Variants in VPS13B observed in about 807,000 individuals in gnomAD.
VPS13B encodes the protein vacuolar protein sorting 13 homolog B.
A neutral mutation model predicts 426.4 loss-of-function variants in VPS13B; 285 were observed. That is an observed-to-expected ratio of 0.67 (90% CI 0.61 to 0.74). The LOEUF (loss-of-function observed/expected upper bound fraction) is 0.74, where lower values mean the gene tolerates loss of function less well. Ranked by LOEUF, VPS13B falls within the 30% of genes least tolerant of loss-of-function variation. The pLI is 0.00. For synonymous variants in VPS13B, 1,676 were observed against 1,676.4 expected (o/e 1.00, Z 0.01); for missense variants, 4,537 against 4,782.6 (o/e 0.95, Z 1.51).
chr8:99,846,423 T>C (rs1275945411), intron 54 of VPS13B, among the ~76,000 whole-genome samples: 1 of 152,244 alleles, frequency 6.6e-6, no homozygotes, highest in Non-Finnish European at 1.5e-5. Context: ...TGTCAAGTAA[T>C]TGATTGTTCA....
In VPS13B at chr8:99,354,266, CTTTTTTTTTTTTTTTTTTTT is replaced by C. The variant is rs71273176; in HGVS notation, c.2825-29922_2825-29903del. Among the ~76,000 whole-genome samples the C allele has an allele frequency of 2.8e-3, 63 of 22,194 alleles. 1 individual carries two copies. Among genetic ancestry groups the C allele is most frequent in the Middle Eastern group, 0.033 (1 of 30 alleles). The allele number at this position is 22,194 out of a possible 152,430, so 14.6% of individuals were successfully genotyped here. A position where few individuals can be genotyped will look rare whatever the true frequency, so the allele number is the denominator to read the frequency against. On this transcript the variant is annotated intron_variant, in intron 19 of 61. Transcript: ENST00000357162. ...TTCTACTGTAGCCCCCTCCCCCTGC[CTTTTTTTTTTTTTTTTTTTT>C]TTTTTTTTTTTTTTTTTTTGGTATT...
At chr8:99,774,541 C>T (rs1361874878) in intron 40 of VPS13B, among the ~76,000 whole-genome samples, 1 of 152,144 alleles carries the variant, frequency 6.6e-6, no homozygotes, top group Non-Finnish European at 1.5e-5. Flanking sequence ...TGGAAAATAT[C>T]AGAGTGTCAA....
chr8:99,523,456 A>G (rs780358988), intron 30 of VPS13B, among the ~76,000 whole-genome samples: 4 of 152,212 alleles, frequency 2.6e-5, no homozygotes, highest in Non-Finnish European at 4.4e-5. Context: ...CGCAGTCCCA[A>G]TGGTGGTGGC....
intron 3 of VPS13B, among the ~76,000 whole-genome samples, chr8:99,062,290 T>C (rs887331058): frequency 6.6e-6 from 1 of 152,216 alleles, no homozygotes. Flanking sequence ...AAAACTGTTC[T>C]TATTTAGGGT....
At chr8:99,459,013 G>T (rs914055289) in intron 23 of VPS13B, among the ~76,000 whole-genome samples, 3 of 152,160 alleles carry the variant, frequency 2.0e-5, no homozygotes, top group African/African-American at 7.2e-5. Context: ...GTCCTGAATG[G>T]TATTGCCTAG....
chr8:99,529,605 A>C (rs1458088717), intron 30 of VPS13B, among the ~76,000 whole-genome samples: 1 of 152,202 alleles, frequency 6.6e-6, no homozygotes, highest in South Asian at 2.1e-4. Context: ...CTTCCGTGAA[A>C]TAGTTACCAG....
chr8:99,681,941 G>A (rs961082324), intron 35 of VPS13B, among the ~76,000 whole-genome samples: 5 of 152,254 alleles, frequency 3.3e-5, no homozygotes, highest in African/African-American at 4.8e-5. Flanking sequence ...AGAAAGGGTC[G>A]TCCAGAAACC....
chr8:99,028,700 C>T (rs1211938751), intron 2 of VPS13B, among the ~76,000 whole-genome samples: 6 of 132,034 alleles, frequency 4.5e-5, no homozygotes, highest in Admixed American at 1.5e-4. Flanking sequence ...CCGGACGGGG[C>T]GGCTGGCCGG....
chr8:99,206,586 C>A (rs1814738145), intron 17 of VPS13B, among the ~76,000 whole-genome samples: 1 of 152,056 alleles, frequency 6.6e-6, no homozygotes, highest in Admixed American at 6.6e-5. Context: ...TTAAATAGGT[C>A]TCTTGTGGAG....
chr8:99,019,034 G>A (rs1050546270), intron 2 of VPS13B, among the ~76,000 whole-genome samples: 5 of 151,658 alleles, frequency 3.3e-5, no homozygotes, highest in African/African-American at 7.3e-5. Context: ...TTCCTTTCTC[G>A]TAATGTGATT....
At chr8:99,714,272 A>C (rs1160971564) in intron 36 of VPS13B, among the ~76,000 whole-genome samples, 3 of 152,194 alleles carry the variant, frequency 2.0e-5, no homozygotes, top group Non-Finnish European at 4.4e-5. Flanking sequence ...TAACCCATAA[A>C]AATGAATATT....
At chr8:99,563,216 C>A (rs1825021224) in intron 31 of VPS13B, among the ~76,000 whole-genome samples, 1 of 152,062 alleles carries the variant, frequency 6.6e-6, no homozygotes, top group South Asian at 2.1e-4. Context: ...CTAGTGTATG[C>A]CATCAAAGGT....
intron 39 of VPS13B, among the ~76,000 whole-genome samples, chr8:99,757,713 A>T (rs1415096001): frequency 2.0e-5 from 3 of 152,268 alleles, no homozygotes; most frequent in Non-Finnish European, 2.9e-5. Flanking sequence ...ATTGTGGAAT[A>T]ACATTTTAAA....
chr8:99,486,677 G>T (rs1375396517), intron 25 of VPS13B, among the ~76,000 whole-genome samples: 1 of 152,108 alleles, frequency 6.6e-6, no homozygotes, highest in Non-Finnish European at 1.5e-5. Flanking sequence ...GAACTCCCCA[G>T]TTCAGACTCT....
chr8:99,697,890 T>G, intron 35 of VPS13B: 1 of 496,202 alleles, frequency 2.0e-6, no homozygotes, highest in South Asian at 1.7e-5. Flanking sequence ...CTCATCAATG[T>G]GATTGAGTTG....
chr8:99,467,450 T>G lies in VPS13B; in HGVS notation c.3482T>G (p.Phe1161Cys), dbSNP rs1563746308. The G allele has an allele frequency of 2.5e-6, 4 of 1,613,798 alleles. No individual in the cohort carries two copies. The highest frequency in any genetic ancestry group is 2.5e-6 in the Non-Finnish European group (3 of 1,179,764). The stretch of plus-strand genomic sequence containing the variant: ...CCTTGGACGATCAGCTTGCATAATT[T>G]CAGCATATATACCCTTCTTGGAAAA... ...AFPWTISLHN[F>C]SIYTLLGKQV... is the part of the protein sequence containing the mutation. Residue 1161 changes from phenylalanine (F) to cysteine (C), a missense_variant, in exon 24 of 62, where the codon TTC becomes TGC. Transcript: ENST00000357162.
At chr8:99,051,896 G>A (rs1423277250) in intron 3 of VPS13B, among the ~76,000 whole-genome samples, 1 of 152,198 alleles carries the variant, frequency 6.6e-6, no homozygotes, top group Non-Finnish European at 1.5e-5. Context: ...CTGAGACTTT[G>A]CTGAAGTCGC....
In VPS13B at chr8:99,820,148, G is replaced by T; in HGVS notation, c.8994+26G>T. ...GTACTATAACTTTTTTAACTAATACGAATTCTTATCTCTCAACAAGTAGAT... is the reference window on the plus strand; with the variant it reads ...GTACTATAACTTTTTTAACTAATACTAATTCTTATCTCTCAACAAGTAGAT... On this transcript the variant is annotated intron_variant, in intron 49 of 61. Coordinates refer to ENST00000357162, the MANE Select transcript of VPS13B (RefSeq NM_152564.5). The T allele has an allele frequency of 1.9e-6, 3 of 1,594,432 alleles. 1 individual carries two copies. The Admixed American group carries it at 5.0e-5, about 27-fold the overall frequency.
intron 17 of VPS13B, among the ~76,000 whole-genome samples, chr8:99,194,143 G>A (rs1813757851): frequency 6.6e-6 from 1 of 152,088 alleles, no homozygotes; most frequent in South Asian, 2.1e-4. Context: ...TTTCAGATTA[G>A]GGATGTTCAA....
Sources: allele counts gnomAD v4.1 joint callset (sites outside exome capture counted in the v4.1 genomes callset), GRCh38; gene constraint gnomAD v4.1.1; transcripts MANE v1.5; gene names NCBI Gene and HGNC (gene_info 2026-07-23, HGNC 2026-07-21).